Variants in RASAL2 observed in about 807,000 individuals in gnomAD.
The protein encoded by RASAL2 is RAS protein activator like 2, also known as ras GTPase-activating protein nGAP.
In RASAL2, 58 loss-of-function variants were observed where a neutral mutation model predicts 128.9. The ratio of observed to expected loss-of-function variants is 0.45; its 90% CI spans 0.36 to 0.56. The LOEUF (loss-of-function observed/expected upper bound fraction) is 0.56, where lower values mean the gene tolerates loss of function less well. RASAL2 is among the 20% of genes least tolerant of loss of function. The probability of loss-of-function intolerance (pLI) is 0.00; values close to 1 mark genes in which losing one functional copy is unlikely to be tolerated. For missense variants in RASAL2, 1,360 were observed against 1,601.6 expected (o/e 0.85, Z 2.57); for synonymous variants, 561 against 580.8 (o/e 0.97, Z 0.49).
At chr1:178,277,944 A>ATTTCAATGAC (rs1272890311) in intron 1 of RASAL2, among the ~76,000 whole-genome samples, 3 of 152,338 alleles carry the variant, frequency 2.0e-5, no homozygotes, top group Non-Finnish European at 4.4e-5. Flanking sequence ...CCAATGCAAC[A>ATTTCAATGAC]CAGTGTAGTG....
chr1:178,463,446 A>G (rs1647322323), intron 14 of RASAL2, among the ~76,000 whole-genome samples: 2 of 152,212 alleles, frequency 1.3e-5, no homozygotes, highest in Admixed American at 6.5e-5. Flanking sequence ...AGAATTTTCA[A>G]ATATATTGTC....
intron 1 of RASAL2, among the ~76,000 whole-genome samples, chr1:178,218,590 G>A (rs1663506663): frequency 6.6e-6 from 1 of 152,242 alleles, no homozygotes; most frequent in Admixed American, 6.5e-5. Context: ...GAGAGGCTGA[G>A]GCAGGAGAAT....
At chr1:178,378,019 AAAAG>A (rs1672083388) in intron 3 of RASAL2, among the ~76,000 whole-genome samples, 1 of 151,996 alleles carries the variant, frequency 6.6e-6, no homozygotes, top group Non-Finnish European at 1.5e-5. Context: ...GATTTTAAAA[AAAAG>A]AAAATCAGAA....
intron 13 of RASAL2, 125 bp downstream of exon 13, chr1:178,457,024 C>A: frequency 1.2e-6 from 1 of 866,868 alleles, no homozygotes. Context: ...ACTCATCTGA[C>A]CTGAGAGCAG....
intron 1 of RASAL2, among the ~76,000 whole-genome samples, chr1:178,235,365 A>G (rs1361758052): frequency 2.6e-5 from 4 of 152,296 alleles, no homozygotes; most frequent in East Asian, 3.9e-4. Context: ...TTGACTGTCT[A>G]CAATGTGTGA....
intron 2 of RASAL2, among the ~76,000 whole-genome samples, chr1:178,288,116 T>C (rs192129513): frequency 6.6e-6 from 1 of 152,278 alleles, no homozygotes. Flanking sequence ...ATAAAAATTG[T>C]ATATATTCAT....
intron 4 of RASAL2, among the ~76,000 whole-genome samples, chr1:178,406,142 TTGTTCATAAA>T (rs1316943591): frequency 2.0e-5 from 3 of 152,222 alleles, no homozygotes; most frequent in Non-Finnish European, 4.4e-5. Context: ...ACATAAAGAC[TTGTTCATAAA>T]TGTTTATGGC....
intron 1 of RASAL2, among the ~76,000 whole-genome samples, chr1:178,135,630 C>T (rs1660295883): frequency 6.6e-6 from 1 of 151,656 alleles, no homozygotes; most frequent in African/African-American, 2.4e-5. Context: ...AAAGAAATAG[C>T]ATTTTACATA....
chr1:178,387,788 A>C (rs1010911725), intron 3 of RASAL2, among the ~76,000 whole-genome samples: 3 of 152,174 alleles, frequency 2.0e-5, no homozygotes, highest in African/African-American at 7.2e-5. Context: ...TGGAAAAAAG[A>C]GAAAAGAAAA....
At chr1:178,381,691 A>G (rs1212558031) in intron 3 of RASAL2, among the ~76,000 whole-genome samples, 1 of 151,982 alleles carries the variant, frequency 6.6e-6, no homozygotes, top group Admixed American at 6.6e-5. Flanking sequence ...TTTAATGTTC[A>G]CTGACTACCA....
At chr1:178,471,784 T>C (rs1648297031) in intron 17 of RASAL2, among the ~76,000 whole-genome samples, 1 of 152,180 alleles carries the variant, frequency 6.6e-6, no homozygotes. Flanking sequence ...GTCTTCACTC[T>C]GCATGCTCCC....
At chr1:178,283,513 A>G (rs374450439) in intron 1 of RASAL2, 51 bp from the exon 2 acceptor site, 8 of 1,585,990 alleles carry the variant, frequency 5.0e-6, no homozygotes, top group Non-Finnish European at 6.9e-6. Flanking sequence ...ATACTGGTTT[A>G]CTAAGCAAGA....
chr1:178,432,368 A>G (rs776558415), intron 5 of RASAL2, among the ~76,000 whole-genome samples: 2 of 151,712 alleles, frequency 1.3e-5, no homozygotes, highest in Non-Finnish European at 2.9e-5. Context: ...CTATTAATCC[A>G]CCTTTCTTGA....
At chr1:178,232,111 A>G (rs978198538) in intron 1 of RASAL2, among the ~76,000 whole-genome samples, 1 of 152,178 alleles carries the variant, frequency 6.6e-6, no homozygotes, top group Non-Finnish European at 1.5e-5. Flanking sequence ...AATCATTTTT[A>G]AAACAACTTG....
chr1:178,171,276 G>A (rs1261564475), intron 1 of RASAL2, among the ~76,000 whole-genome samples: 1 of 151,818 alleles, frequency 6.6e-6, no homozygotes, highest in Non-Finnish European at 1.5e-5. Context: ...TTTTCACAAG[G>A]GTACTGGTTT....
intron 1 of RASAL2, among the ~76,000 whole-genome samples, chr1:178,223,629 G>A (rs921818120): frequency 2.6e-5 from 4 of 152,100 alleles, no homozygotes; most frequent in Admixed American, 2.0e-4. Flanking sequence ...ACAAGATGAG[G>A]TAAATTTGTA....
intron 1 of RASAL2, among the ~76,000 whole-genome samples, chr1:178,140,232 C>A (rs1183114766): frequency 6.6e-6 from 1 of 152,056 alleles, no homozygotes; most frequent in Non-Finnish European, 1.5e-5. Flanking sequence ...AAAAATTGTG[C>A]AGAAAATACA....
chr1:178,113,558 GTGTGTGTA>G (rs1404611148), intron 1 of RASAL2, among the ~76,000 whole-genome samples: 4 of 141,372 alleles, frequency 2.8e-5, no homozygotes, highest in African/African-American at 1.1e-4. Flanking sequence ...GTGTGTGTGT[GTGTGTGTA>G]GAGGCAGAGT....
chr1:178,142,409 T>G (rs1660566388), intron 1 of RASAL2, among the ~76,000 whole-genome samples: 1 of 152,098 alleles, frequency 6.6e-6, no homozygotes, highest in Admixed American at 6.5e-5. Context: ...TTTAAGAACT[T>G]GTTGATATTT....
Sources: gnomAD v4.1 joint callset for allele counts (sites outside exome capture counted in the v4.1 genomes callset) on GRCh38, gnomAD v4.1.1 for gene constraint, MANE v1.5 for transcripts, NCBI Gene and HGNC (gene_info 2026-07-23, HGNC 2026-07-21) for gene names.